Variants in DAB1 observed in about 807,000 individuals in gnomAD.
DAB1 encodes the protein disabled homolog 1.
Under a neutral mutation model 64.6 loss-of-function variants are expected in DAB1, and 15 were observed. The observed-to-expected ratio is 0.23, with a 90% confidence interval of 0.16 to 0.36. The LOEUF (loss-of-function observed/expected upper bound fraction) is 0.36, where lower values mean the gene tolerates loss of function less well. Ranked by LOEUF, DAB1 falls within the 10% of genes least tolerant of loss-of-function variation. DAB1 has a pLI of 1.00. For missense variants in DAB1, 596 were observed against 706.7 expected (o/e 0.84, Z 1.78); for synonymous variants, 235 against 251.9 (o/e 0.93, Z 0.64).
At chr1:57,519,368 C>T (rs990632072) in intron 7 of DAB1, among the ~76,000 whole-genome samples, 5 of 152,230 alleles carry the variant, frequency 3.3e-5, no homozygotes, top group Admixed American at 2.6e-4. Flanking sequence ...TGGACCACCT[C>T]TCGCCACTGC....
chr1:57,866,398 G>T (rs536923357), intron 1 of DAB1: 27 of 152,204 alleles, frequency 1.8e-4, no homozygotes, highest in African/African-American at 6.5e-4. Flanking sequence ...AAGTAACTAT[G>T]GGGTAAATTA....
intron 1 of DAB1, among the ~76,000 whole-genome samples, chr1:57,340,663 TTGAG>T (rs1401628528): frequency 9.1e-6 from 1 of 109,748 alleles, no homozygotes; most frequent in Non-Finnish European, 2.1e-5. Context: ...GTAACATTTA[TTGAG>T]TATCAGTCTT....
chr1:57,969,054 A>C (rs1380966975), intron 5 of DAB1, among the ~76,000 whole-genome samples: 6 of 152,220 alleles, frequency 3.9e-5, no homozygotes, highest in African/African-American at 1.4e-4. Context: ...AATTTAAGAG[A>C]AAATTAAATA....
chr1:57,721,022 T>C (rs3118024), intron 6 of DAB1, among the ~76,000 whole-genome samples: 55,307 of 152,052 alleles, frequency 0.36, 13,894 homozygotes, highest in African/African-American at 0.72. Context: ...CTTCATTAGC[T>C]TGTCTGCTGA....
intron 1 of DAB1, among the ~76,000 whole-genome samples, chr1:57,376,317 A>G (rs1358088614): frequency 6.6e-6 from 1 of 152,202 alleles, no homozygotes; most frequent in African/African-American, 2.4e-5. Flanking sequence ...AGGCCATCCC[A>G]TCTAGACTTA....
At chr1:58,115,915 C>T (rs1332238946) in intron 5 of DAB1, among the ~76,000 whole-genome samples, 2 of 135,244 alleles carry the variant, frequency 1.5e-5, no homozygotes, top group African/African-American at 5.7e-5. Context: ...GTGCAGCGCA[C>T]CAGCATGGCA....
intron 7 of DAB1, among the ~76,000 whole-genome samples, chr1:57,457,821 GA>G (rs1293301379): frequency 5.3e-5 from 8 of 152,050 alleles, no homozygotes; most frequent in Non-Finnish European, 1.2e-4. Context: ...GGACAGTAGA[GA>G]AAAATCCAGC....
At chr1:57,357,852 A>G (rs1452848673) in intron 1 of DAB1, among the ~76,000 whole-genome samples, 1 of 151,896 alleles carries the variant, frequency 6.6e-6, no homozygotes, top group African/African-American at 2.4e-5. Flanking sequence ...GGGGGTAACC[A>G]TCCCCATGAT....
chr1:57,272,430 C>T (rs764495191), intron 2 of DAB1, among the ~76,000 whole-genome samples: 2 of 152,224 alleles, frequency 1.3e-5, no homozygotes, highest in Non-Finnish European at 2.9e-5. Context: ...AAGAATCAGC[C>T]TTGCTGCCTG....
intron 2 of DAB1, among the ~76,000 whole-genome samples, chr1:57,262,646 G>C (rs1670270471): frequency 6.6e-6 from 1 of 152,234 alleles, no homozygotes; most frequent in Non-Finnish European, 1.5e-5. Flanking sequence ...GAATTTGTAA[G>C]AGACTCATTT....
At chr1:57,385,186 T>C (rs1681712901) in intron 1 of DAB1, among the ~76,000 whole-genome samples, 1 of 152,212 alleles carries the variant, frequency 6.6e-6, no homozygotes, top group African/African-American at 2.4e-5. Flanking sequence ...AGGGATTAGG[T>C]ATTATTCAAA....
chr1:58,449,880 A>T (rs562344688), intron 3 of DAB1, among the ~76,000 whole-genome samples: 1 of 152,348 alleles, frequency 6.6e-6, no homozygotes, highest in African/African-American at 2.4e-5. Context: ...TTGAGATAGT[A>T]ACAATATTTC....
intron 5 of DAB1, among the ~76,000 whole-genome samples, chr1:57,954,004 C>T (rs1384889666): frequency 6.6e-6 from 1 of 152,112 alleles, no homozygotes; most frequent in African/African-American, 2.4e-5. Context: ...ACAAATAGTC[C>T]TTTCTCTAAA....
At chr1:57,774,978 T>C (rs1182734814) in intron 6 of DAB1, among the ~76,000 whole-genome samples, 2 of 151,692 alleles carry the variant, frequency 1.3e-5, no homozygotes, top group East Asian at 1.9e-4. Context: ...TTCCATTTCT[T>C]CTTCTATCAA....
chr1:57,191,046 T>C (rs2101002464), intron 2 of DAB1, among the ~76,000 whole-genome samples: 1 of 152,308 alleles, frequency 6.6e-6, no homozygotes, highest in South Asian at 2.1e-4. Flanking sequence ...CCTCACAGGA[T>C]TCATGACAGC....
chr1:58,434,645 C>T (rs1644921421), intron 3 of DAB1, among the ~76,000 whole-genome samples: 1 of 152,136 alleles, frequency 6.6e-6, no homozygotes, highest in Non-Finnish European at 1.5e-5. Context: ...CATTTAATGC[C>T]ATTAGAATGG....
chr1:58,123,162 C>T (rs1570381660), intron 5 of DAB1, among the ~76,000 whole-genome samples: 1 of 152,258 alleles, frequency 6.6e-6, no homozygotes, highest in African/African-American at 2.4e-5. Flanking sequence ...GGCAAGTAAT[C>T]GCCATGACAG....
At chr1:57,629,328 G>C (rs1483805681) in intron 7 of DAB1, among the ~76,000 whole-genome samples, 1 of 152,132 alleles carries the variant, frequency 6.6e-6, no homozygotes, top group East Asian at 1.9e-4. Context: ...GACTGATGTA[G>C]ATTTCATGTG....
chr1:57,923,108 G>T (rs557887980), intron 5 of DAB1, among the ~76,000 whole-genome samples: 2 of 151,860 alleles, frequency 1.3e-5, no homozygotes, highest in Non-Finnish European at 2.9e-5. Flanking sequence ...CCCATGTCAA[G>T]TAAGTCATCA....
Sources: allele counts gnomAD v4.1 joint callset (sites outside exome capture counted in the v4.1 genomes callset), GRCh38; gene constraint gnomAD v4.1.1; transcripts MANE v1.5; gene names NCBI Gene and HGNC (gene_info 2026-07-23, HGNC 2026-07-21).